NCR1: variants seen among roughly 807,000 people sequenced by gnomAD.
NCR1 encodes the protein NK cell-activating receptor.
Under a neutral mutation model 32.5 loss-of-function variants are expected in NCR1, and 30 were observed. That is an observed-to-expected ratio of 0.92 (90% confidence interval 0.69 to 1.25). The LOEUF (loss-of-function observed/expected upper bound fraction) is 1.25. Ranked by LOEUF, NCR1 falls within the 50% of genes most tolerant of loss-of-function variation. The pLI is 0.00. For synonymous variants in NCR1, 169 were observed against 143.4 expected (o/e 1.18, Z -1.28); for missense variants, 369 against 380.7 (o/e 0.97, Z 0.26).
At chr19:54,905,195 C>T (rs1467735163), upstream of NCR1, among the ~76,000 whole-genome samples, 1 of 152,176 alleles carries the variant, frequency 6.6e-6, no homozygotes, top group African/African-American at 2.4e-5. Context: ...AACTAATTTA[C>T]ACCCACCAAC....
the NCR1 span, among the ~76,000 whole-genome samples, chr19:54,921,387 G>T: frequency 1.3e-5 from 2 of 152,172 alleles, no homozygotes. Flanking sequence ...GCTCACGAAA[G>T]ACAGCAATGC....
At chr19:54,916,507 C>T (rs145888729), downstream of NCR1, among the ~76,000 whole-genome samples, 2,321 of 150,280 alleles carry the variant, frequency 0.015, 123 homozygotes, top group East Asian at 0.17. Context: ...TTAGTAGAGA[C>T]GGGGTTTCTC....
At chr19:54,927,481 G>A in the NCR1 span, 17 of 865,688 alleles carry the variant, frequency 2.0e-5, no homozygotes, top group African/African-American at 3.4e-5. Context: ...GCTTGAACCT[G>A]AGAGGCAGAG....
chr19:54,936,463 G>C, the NCR1 span: 1 of 1,566,440 alleles, frequency 6.4e-7, no homozygotes, highest in Non-Finnish European at 8.8e-7. Flanking sequence ...TCCACTTGGA[G>C]TGATTAATAC....
At chr19:54,913,196 G>C (rs2068061030), downstream of NCR1, 2 of 185,600 alleles carry the variant, frequency 1.1e-5, no homozygotes, top group East Asian at 2.5e-4. Context: ...GAGTAGCTGG[G>C]ATTACAGGCA....
chr19:54,918,067 C>G (rs534639473), downstream of NCR1, among the ~76,000 whole-genome samples: 74 of 152,188 alleles, frequency 4.9e-4, 1 homozygote, highest in Non-Finnish European at 8.5e-4. Context: ...CACCATTCTC[C>G]TGGGACTACA....
chr19:54,907,393 C>T (rs1301326452), intron 3 of NCR1, among the ~76,000 whole-genome samples: 24 of 149,672 alleles, frequency 1.6e-4, no homozygotes, highest in African/African-American at 5.1e-4. Context: ...TCAGATGATC[C>T]GCCCGCCTCA....
At chr19:54,913,116 G>A (rs144045271), downstream of NCR1, 385 of 354,542 alleles carry the variant, frequency 1.1e-3, 1 homozygote, top group African/African-American at 7.5e-3. Flanking sequence ...GCAATGGCGC[G>A]ATCTTGGCTC....
At chr19:54,929,485 G>C in the NCR1 span, among the ~76,000 whole-genome samples, 45 of 152,156 alleles carry the variant, frequency 3.0e-4, 1 homozygote, top group African/African-American at 9.9e-4. Flanking sequence ...TTGGAAAATA[G>C]GTTGCATCCA....
chr19:54,898,992 T>C, the NCR1 span, among the ~76,000 whole-genome samples: 11 of 151,996 alleles, frequency 7.2e-5, no homozygotes, highest in African/African-American at 1.9e-4. Flanking sequence ...AGATGTCAGA[T>C]GGGTCTGTAG....
chr19:54,937,593 G>T, the NCR1 span, among the ~76,000 whole-genome samples: 1 of 150,564 alleles, frequency 6.6e-6, no homozygotes, highest in East Asian at 2.0e-4. Context: ...CTCTGTCTCA[G>T]AAAAAATAAA....
Position 54,909,454 on chromosome 19 carries a change from C to A in NCR1, c.565C>A (p.Arg189=), listed in dbSNP as rs1470728864. 1 of 1,612,442 alleles carries A rather than the reference C, an allele frequency of 6.2e-7. No homozygotes were observed. Among genetic ancestry groups the A allele is most frequent in the African/African-American group, 1.3e-5 (1 of 75,018 alleles). The change falls in exon 4 of 7, where the codon CGA becomes AGA. Residue 189 remains arginine (R), a synonymous_variant. Transcript: ENST00000291890. ...PVTTAHRGTY[R]CFGSYNNHAW... ...GACCACAGCCCACAGAGGGACATAC[C>A]GATGTTTTGGCTCCTATAACAACCA...
At chr19:54,924,722 G>C in the NCR1 span, among the ~76,000 whole-genome samples, 5 of 152,140 alleles carry the variant, frequency 3.3e-5, no homozygotes, top group Admixed American at 3.3e-4. Context: ...GATCACCTGA[G>C]GTCAGGAATT....
At chr19:54,903,477 C>A (rs1023721120), upstream of NCR1, among the ~76,000 whole-genome samples, 2 of 135,846 alleles carry the variant, frequency 1.5e-5, no homozygotes, top group African/African-American at 5.4e-5. Flanking sequence ...TACACGGATA[C>A]ATGTATGTAT....
upstream of NCR1, among the ~76,000 whole-genome samples, chr19:54,901,931 G>T (rs2067308855): frequency 6.6e-6 from 1 of 152,208 alleles, no homozygotes; most frequent in Admixed American, 6.5e-5. Flanking sequence ...TCACACCATT[G>T]CACTCCAGCC....
the NCR1 span, chr19:54,936,467 T>G: frequency 1.9e-6 from 3 of 1,551,312 alleles, no homozygotes; most frequent in Non-Finnish European, 2.7e-6. Flanking sequence ...CTTGGAGTGA[T>G]TAATACTCAC....
the NCR1 span, among the ~76,000 whole-genome samples, chr19:54,921,434 T>C: frequency 6.6e-6 from 1 of 152,268 alleles, no homozygotes; most frequent in African/African-American, 2.4e-5. Context: ...CATGGGATCA[T>C]TCAGTGCTGA....
downstream of NCR1, among the ~76,000 whole-genome samples, chr19:54,916,465 C>T (rs908960161): frequency 1.3e-5 from 2 of 150,906 alleles, no homozygotes; most frequent in South Asian, 2.1e-4. Flanking sequence ...ACTACAAGTG[C>T]GTGCCACCAC....
Position 54,912,172 on chromosome 19 carries a change from C to T in NCR1, c.687C>T (p.Asp229=). ...CTTCACTTCCCTTATCATCAGCAGA[C>T]ACTTGGGGCACCTACCTTTTAACCA... ...LAPEDPTFPA[D]TWGTYLLTTE... is the part of the protein sequence containing the mutation. The change falls in exon 6 of 7, where the codon GAC becomes GAT. Residue 229 remains aspartate, a synonymous_variant. Coordinates refer to ENST00000291890, the MANE Select transcript of NCR1 (RefSeq NM_004829.7). 1.9e-6 allele frequency: 3 copies of T among 1,613,816 alleles called. No individual in the cohort carries two copies. Among genetic ancestry groups the T allele is most frequent in the Non-Finnish European group, 2.5e-6 (3 of 1,179,816 alleles).
Sources: allele counts gnomAD v4.1 joint callset (sites outside exome capture counted in the v4.1 genomes callset), GRCh38; gene constraint gnomAD v4.1.1; transcripts MANE v1.5; gene names NCBI Gene and HGNC (gene_info 2026-07-23, HGNC 2026-07-21).